The following AMBRA1 variants were observed in gnomAD, a reference collection of about 807,000 sequenced individuals.
AMBRA1 encodes the protein autophagy and beclin 1 regulator 1, also known as activating molecule in BECN1-regulated autophagy protein 1.
A neutral mutation model predicts 125.4 loss-of-function variants in AMBRA1; 47 were observed. The ratio of observed to expected loss-of-function variants is 0.37; its 90% CI spans 0.30 to 0.48. The LOEUF (loss-of-function observed/expected upper bound fraction) is 0.48, where lower values mean the gene tolerates loss of function less well. AMBRA1 is among the 20% of genes least tolerant of loss of function. AMBRA1 has a pLI of 0.99. For missense variants in AMBRA1, 1,331 were observed against 1,693.4 expected, an observed-to-expected ratio of 0.79 and a Z score of 3.76; for synonymous variants, 626 against 655.5, an observed-to-expected ratio of 0.95 and a Z score of 0.69.
chr11:46,543,441 G>A (rs1365631526), intron 6 of AMBRA1, 43 bp from the exon 7 acceptor site: 1 of 1,591,562 alleles, frequency 6.3e-7, no homozygotes, highest in African/African-American at 1.4e-5. Flanking sequence ...GAGCAAGGCA[G>A]TTAGGTAGAA....
intron 8 of AMBRA1, among the ~76,000 whole-genome samples, chr11:46,512,348 A>C (rs1951290448): frequency 6.6e-6 from 1 of 152,138 alleles, no homozygotes; most frequent in Non-Finnish European, 1.5e-5. Flanking sequence ...TTTTTGTTTA[A>C]TCTATACATA....
At chr11:46,477,629 C>A (rs1285845419) in intron 11 of AMBRA1, among the ~76,000 whole-genome samples, 1 of 152,122 alleles carries the variant, frequency 6.6e-6, no homozygotes. Flanking sequence ...GCCACTGTGC[C>A]CAGCCTCTTT....
intron 7 of AMBRA1, among the ~76,000 whole-genome samples, chr11:46,533,486 G>A (rs1952314655): frequency 6.6e-6 from 1 of 152,184 alleles, no homozygotes; most frequent in Non-Finnish European, 1.5e-5. Flanking sequence ...GGGGAAGAGT[G>A]GAGGGGCTTT....
chr11:46,434,115 CAAAA>C (rs145761376), intron 13 of AMBRA1, among the ~76,000 whole-genome samples: 2 of 53,554 alleles, frequency 3.7e-5, no homozygotes, highest in South Asian at 8.0e-4. Context: ...AACTCCGTCT[CAAAA>C]AAAAAAAAAA....
At chr11:46,481,151 A>G (rs1438082876) in intron 11 of AMBRA1, among the ~76,000 whole-genome samples, 3 of 152,164 alleles carry the variant, frequency 2.0e-5, no homozygotes, top group Non-Finnish European at 4.4e-5. Flanking sequence ...TGCCGTCCCC[A>G]GACTGATAAG....
chr11:46,450,475 C>T (rs1374990591), intron 11 of AMBRA1, among the ~76,000 whole-genome samples: 1 of 151,820 alleles, frequency 6.6e-6, no homozygotes, highest in Non-Finnish European at 1.5e-5. Context: ...GGTCTCACTC[C>T]ATTGCCCAGG....
At chr11:46,500,033 T>A (rs1410896464) in intron 9 of AMBRA1, among the ~76,000 whole-genome samples, 2 of 152,118 alleles carry the variant, frequency 1.3e-5, no homozygotes, top group African/African-American at 2.4e-5. Context: ...GGTTATCTAA[T>A]CTCATTTTAC....
At chr11:46,463,764 T>C (rs1329965738) in intron 11 of AMBRA1, among the ~76,000 whole-genome samples, 2 of 152,124 alleles carry the variant, frequency 1.3e-5, no homozygotes, top group African/African-American at 2.4e-5. Context: ...CCCTAAGAAA[T>C]TGATGGTTTC....
intron 7 of AMBRA1, among the ~76,000 whole-genome samples, chr11:46,513,393 C>T (rs1044104048): frequency 1.3e-5 from 2 of 151,480 alleles, no homozygotes; most frequent in Admixed American, 6.6e-5. Flanking sequence ...CTTATATAAT[C>T]TAGCCCAATA....
intron 5 of AMBRA1, among the ~76,000 whole-genome samples, chr11:46,545,030 G>A (rs907310583): frequency 5.9e-5 from 9 of 151,722 alleles, no homozygotes; most frequent in Admixed American, 1.3e-4. Context: ...ATAAGACTGA[G>A]GTGGGAGGAT....
In AMBRA1 at chr11:46,397,267, G is replaced by T; in HGVS notation, c.*183C>A. ...TCCTGGAAGGTTCTAGTTCCCCGAGGCAGGCCTTGCCCATTTGACTGTCTT... is the reference window on the plus strand; with the variant it reads ...TCCTGGAAGGTTCTAGTTCCCCGAGTCAGGCCTTGCCCATTTGACTGTCTT... On this transcript the variant is annotated 3_prime_UTR_variant, in exon 18 of 18. Transcript: ENST00000683756. 1 of 751,684 alleles carries T rather than the reference G, an allele frequency of 1.3e-6. No individual in the cohort carries two copies. Among genetic ancestry groups the T allele is most frequent in the Non-Finnish European group, 1.9e-6 (1 of 537,618 alleles). 46.6% of individuals were successfully genotyped at this position (751,684 alleles called of 1,614,324 possible).
Position 46,397,492 on chromosome 11 carries a change from C to CCTG in AMBRA1, c.3852_3854dup (p.Ser1284dup). 6.6e-7 allele frequency: 1 copy of CCTG among 1,526,242 alleles called. No homozygotes were observed. The highest frequency in any genetic ancestry group is 8.8e-7 in the Non-Finnish European group (1 of 1,135,352). The allele number at this position is 1,526,242 out of a possible 1,614,324, so 94.5% of individuals were successfully genotyped here. A position where few individuals can be genotyped will look rare whatever the true frequency, so the allele number is the denominator to read the frequency against. On this transcript the variant is annotated inframe_insertion, in exon 18 of 18. Transcript: ENST00000683756. ...CTCCCCTAGGGCCTGCAGCGTCCCCCCTGCTGCTGCCACCATCCAGAAGGT... is the reference window on the plus strand; with the variant it reads ...CTCCCCTAGGGCCTGCAGCGTCCCCCCTGCTGCTGCTGCCACCATCCAGAAGGT...
At chr11:46,573,921 T>C (rs1463191893) in intron 1 of AMBRA1, among the ~76,000 whole-genome samples, 8 of 145,094 alleles carry the variant, frequency 5.5e-5, no homozygotes, top group Non-Finnish European at 1.2e-4. Context: ...CGGTGTTTGG[T>C]TTTTTGTTCT....
chr11:46,586,006 G>A (rs896310517), intron 1 of AMBRA1, among the ~76,000 whole-genome samples: 4 of 151,578 alleles, frequency 2.6e-5, no homozygotes, highest in East Asian at 2.0e-4. Flanking sequence ...GTTTCTCCAC[G>A]TTGGTCAGGC....
At chr11:46,560,035 T>C (rs905655617) in intron 1 of AMBRA1, among the ~76,000 whole-genome samples, 2 of 152,122 alleles carry the variant, frequency 1.3e-5, no homozygotes, top group Non-Finnish European at 2.9e-5. Flanking sequence ...AAGAGAAAGA[T>C]TGCAAAGGAA....
intron 7 of AMBRA1, chr11:46,518,137 G>A (rs997189187): frequency 6.1e-6 from 6 of 984,738 alleles, no homozygotes; most frequent in Non-Finnish European, 7.2e-6. Flanking sequence ...GTTTTCAGAA[G>A]AATTACTCAC....
rs199528432 is a variant in AMBRA1 at position 46,410,260 on chromosome 11, T to C, written c.3209+16A>G. 1 of 1,612,942 alleles carries C rather than the reference T, an allele frequency of 6.2e-7. No homozygotes were observed. The highest frequency in any genetic ancestry group is 8.5e-7 in the Non-Finnish European group (1 of 1,179,724). ...GGCCTCCAGCCAGCTGCTCCCTGCC[T>C]ACTTCCCAAACATACCCAGGCCGCT... On this transcript the variant is annotated intron_variant, in intron 16 of 17. Transcript: ENST00000683756.
chr11:46,459,020 G>A (rs1160090675), intron 11 of AMBRA1, among the ~76,000 whole-genome samples: 1 of 152,164 alleles, frequency 6.6e-6, no homozygotes, highest in East Asian at 1.9e-4. Flanking sequence ...TGCAAAAAGA[G>A]TTTGTCTTTC....
At chr11:46,533,079 CT>C (rs1256983991) in intron 7 of AMBRA1, among the ~76,000 whole-genome samples, 1 of 152,090 alleles carries the variant, frequency 6.6e-6, no homozygotes, top group Admixed American at 6.5e-5. Context: ...ACGAGAATCG[CT>C]TGAGCCCCAG....
Sources: allele counts gnomAD v4.1 joint callset (sites outside exome capture counted in the v4.1 genomes callset), GRCh38; gene constraint gnomAD v4.1.1; transcripts MANE v1.5; gene names NCBI Gene and HGNC (gene_info 2026-07-23, HGNC 2026-07-21).